RASEF: variants seen among roughly 807,000 people sequenced by gnomAD.
The protein encoded by RASEF is RAS and EF-hand domain containing, also known as ras and EF-hand domain-containing protein.
In RASEF, 68 loss-of-function variants were observed where a neutral mutation model predicts 90.1. That is an observed-to-expected ratio of 0.75 (90% CI 0.62 to 0.92). The LOEUF is 0.92. RASEF is among the 40% of genes least tolerant of loss of function. The pLI is 0.00. For synonymous variants in RASEF, 331 were observed against 345.2 expected, an observed-to-expected ratio of 0.96 and a Z score of 0.46; for missense variants, 949 against 937.2, an observed-to-expected ratio of 1.01 and a Z score of -0.16.
At chr9:83,068,532 A>T in the RASEF span, among the ~76,000 whole-genome samples, 5 of 152,250 alleles carry the variant, frequency 3.3e-5, no homozygotes, top group Non-Finnish European at 7.3e-5. Flanking sequence ...CCTCAGTCCT[A>T]TAGCTGCAAG....
chr9:83,039,767 C>T (rs1829806002), intron 1 of RASEF, among the ~76,000 whole-genome samples: 1 of 152,146 alleles, frequency 6.6e-6, no homozygotes, highest in African/African-American at 2.4e-5. Context: ...GATGCGCCCA[C>T]TATTTACCAT....
the RASEF span, among the ~76,000 whole-genome samples, chr9:83,197,899 G>C: frequency 6.6e-6 from 1 of 152,170 alleles, no homozygotes; most frequent in Non-Finnish European, 1.5e-5. Flanking sequence ...GCTTGGTCTT[G>C]AAATGCTTTG....
At chr9:83,116,511 A>C in the RASEF span, among the ~76,000 whole-genome samples, 7 of 151,232 alleles carry the variant, frequency 4.6e-5, no homozygotes, top group Admixed American at 3.3e-4. Flanking sequence ...AATGAACAGT[A>C]TGAGCTACAG....
At chr9:83,158,730 T>G in the RASEF span, among the ~76,000 whole-genome samples, 1 of 148,780 alleles carries the variant, frequency 6.7e-6, no homozygotes, top group Non-Finnish European at 1.5e-5. Flanking sequence ...ATGTATATAT[T>G]TATGTACATA....
the RASEF span, among the ~76,000 whole-genome samples, chr9:83,187,338 T>A: frequency 2.0e-5 from 3 of 152,284 alleles, no homozygotes; most frequent in Admixed American, 1.3e-4. Flanking sequence ...TAAAAAAAAT[T>A]AAAAATATGG....
the RASEF span, among the ~76,000 whole-genome samples, chr9:83,105,380 A>C: frequency 6.6e-6 from 1 of 152,214 alleles, no homozygotes; most frequent in African/African-American, 2.4e-5. Flanking sequence ...AGTCTAGAAA[A>C]TGACAGGAAG....
rs1829539973 is a variant in RASEF at position 83,025,925 on chromosome 9, C to T, written c.432-4G>A. On this transcript the variant is annotated splice_polypyrimidine_tract_variant and splice_region_variant and intron_variant, in intron 1 of 16. Coordinates refer to ENST00000376447, the MANE Select transcript of RASEF (RefSeq NM_152573.4). ...CAAGGTACTAACTTGCTCTTCTCTG[C>T]CAAATAAATAAATAAAAATTAAACC... 1 of 1,553,668 alleles carries T rather than the reference C, an allele frequency of 6.4e-7. No individual in the cohort carries two copies. Among genetic ancestry groups the T allele is most frequent in the Non-Finnish European group, 8.7e-7 (1 of 1,154,852 alleles).
At chr9:83,198,737 G>T in the RASEF span, among the ~76,000 whole-genome samples, 1 of 152,106 alleles carries the variant, frequency 6.6e-6, no homozygotes, top group African/African-American at 2.4e-5. Context: ...CAGTCCCTGA[G>T]CAAGCAGAGA....
At chr9:83,190,377 A>T in the RASEF span, among the ~76,000 whole-genome samples, 5 of 152,228 alleles carry the variant, frequency 3.3e-5, no homozygotes, top group African/African-American at 1.2e-4. Context: ...GAGACCTATG[A>T]GTTATCTATT....
At chr9:83,133,428 T>A in the RASEF span, among the ~76,000 whole-genome samples, 2 of 152,186 alleles carry the variant, frequency 1.3e-5, no homozygotes, top group African/African-American at 4.8e-5. Context: ...AGTAAATATA[T>A]AACAAGGGAT....
intron 14 of RASEF, among the ~76,000 whole-genome samples, 160 bp from the exon 15 acceptor site, chr9:82,993,185 G>A (rs555063875): frequency 4.6e-5 from 7 of 152,188 alleles, no homozygotes; most frequent in Admixed American, 2.6e-4. Flanking sequence ...TCTAAAAACA[G>A]CCATACATTT....
At chr9:83,168,224 A>C in the RASEF span, among the ~76,000 whole-genome samples, 2 of 152,102 alleles carry the variant, frequency 1.3e-5, no homozygotes, top group Non-Finnish European at 2.9e-5. Flanking sequence ...GTATTTCACT[A>C]TGGTTTTGAT....
At chr9:83,056,943 A>G (rs1365885685) in intron 1 of RASEF, among the ~76,000 whole-genome samples, 1 of 152,226 alleles carries the variant, frequency 6.6e-6, no homozygotes, top group African/African-American at 2.4e-5. Context: ...AAGGACTAGA[A>G]GTCCAAAATA....
At chr9:83,062,057 C>T (rs1830211101) in intron 1 of RASEF, among the ~76,000 whole-genome samples, 1 of 152,202 alleles carries the variant, frequency 6.6e-6, no homozygotes, top group Non-Finnish European at 1.5e-5. Context: ...ACAGCCCGGG[C>T]CCCAGCCCTG....
upstream of RASEF, among the ~76,000 whole-genome samples, chr9:83,064,546 G>A (rs905836095): frequency 2.6e-5 from 4 of 152,064 alleles, no homozygotes; most frequent in Non-Finnish European, 5.9e-5. Flanking sequence ...CTAAATCTTT[G>A]AACTATTATT....
intron 5 of RASEF, among the ~76,000 whole-genome samples, chr9:83,010,803 A>G (rs1180695187): frequency 6.6e-6 from 1 of 152,164 alleles, no homozygotes; most frequent in Non-Finnish European, 1.5e-5. Flanking sequence ...AGCTCCTTGG[A>G]AGACACTCTC....
chr9:83,116,685 A>T, the RASEF span, among the ~76,000 whole-genome samples: 1 of 152,222 alleles, frequency 6.6e-6, no homozygotes, highest in Non-Finnish European at 1.5e-5. Flanking sequence ...TAAATAAGTT[A>T]TCTGAGGCTC....
the RASEF span, among the ~76,000 whole-genome samples, chr9:83,155,581 T>C: frequency 1.4e-4 from 22 of 152,276 alleles, no homozygotes; most frequent in African/African-American, 5.1e-4. Context: ...ATGGGAATTA[T>C]GAGAGCTACA....
At chr9:82,990,554 A>G in intron 15 of RASEF, 87 bp from the exon 16 acceptor site, 1 of 920,492 alleles carries the variant, frequency 1.1e-6, no homozygotes, top group Non-Finnish European at 1.7e-6. Flanking sequence ...AAATAAAAAT[A>G]TGTTCCTACT....
Sources: gnomAD v4.1 joint callset for allele counts (sites outside exome capture counted in the v4.1 genomes callset) on GRCh38, gnomAD v4.1.1 for gene constraint, MANE v1.5 for transcripts, NCBI Gene and HGNC (gene_info 2026-07-23, HGNC 2026-07-21) for gene names.